Variants in PLCB1 observed in about 807,000 individuals in gnomAD.
PLCB1 encodes 1-phosphatidylinositol 4,5-bisphosphate phosphodiesterase beta-1.
Under a neutral mutation model 161.8 loss-of-function variants are expected in PLCB1, and 46 were observed. That is an observed-to-expected ratio of 0.28 (90% confidence interval 0.22 to 0.36). The LOEUF (loss-of-function observed/expected upper bound fraction) is 0.36, where lower values mean the gene tolerates loss of function less well. Ranked by LOEUF, PLCB1 falls within the 10% of genes least tolerant of loss-of-function variation. The pLI, the probability that PLCB1 is intolerant of heterozygous loss-of-function variation, is 1.00. For missense variants in PLCB1, 1,016 were observed against 1,472.5 expected, an observed-to-expected ratio of 0.69 and a Z score of 5.07; for synonymous variants, 517 against 503.7, an observed-to-expected ratio of 1.03 and a Z score of -0.35.
rs111655229 is a variant in PLCB1 at position 8,735,361 on chromosome 20, A to G, written c.2044-1667A>G. On this transcript the variant is annotated intron_variant, in intron 19 of 31. Coordinates refer to ENST00000338037, the MANE Select transcript of PLCB1 (RefSeq NM_015192.4). ...TGAAGGGGAAATAGTTGATCCCCAG[A>G]CAAGTGTAACCTGCTGCTCCTGTCC... 4.2e-3 allele frequency among the ~76,000 whole-genome samples: 647 copies of G among 152,342 alleles called. 3 individuals are homozygous for G. Among genetic ancestry groups the G allele is most frequent in the African/African-American group, 0.015 (615 of 41,582 alleles).
intron 1 of PLCB1, among the ~76,000 whole-genome samples, chr20:8,149,964 A>T (rs183140793): frequency 6.6e-6 from 1 of 152,244 alleles, no homozygotes; most frequent in Non-Finnish European, 1.5e-5. Context: ...AGTTAATATT[A>T]ATCATAAAAA....
At position 8,741,454 on chromosome 20, in the gene PLCB1, C is replaced by G. The variant is rs762038948; in HGVS notation, c.2414-10C>G. ...GGACCTTTGATCTAAAATATCTCTT[C>G]CCTATTTAGATGTCATCGAAGCTTT... On this transcript the variant is annotated splice_polypyrimidine_tract_variant and intron_variant, in intron 22 of 31. Transcript: ENST00000338037. 1.9e-6 allele frequency: 3 copies of G among 1,572,232 alleles called. No individual in the cohort carries two copies. Among genetic ancestry groups the G allele is most frequent in the African/African-American group, 1.4e-5 (1 of 74,050 alleles).
At chr20:8,261,114 C>T (rs548990764) in intron 2 of PLCB1, among the ~76,000 whole-genome samples, 1 of 152,240 alleles carries the variant, frequency 6.6e-6, no homozygotes, top group African/African-American at 2.4e-5. Flanking sequence ...TCTACTGCCC[C>T]CTTCTGCTTC....
chr20:8,867,108 A>C (rs1406539744), intron 31 of PLCB1, among the ~76,000 whole-genome samples: 1 of 152,242 alleles, frequency 6.6e-6, no homozygotes, highest in Non-Finnish European at 1.5e-5. Flanking sequence ...CATTTGATTC[A>C]GCCTGTCCCT....
rs577194892 is a variant in PLCB1, at chr20:8,663,627, A to G, written c.862+4923A>G. Among the ~76,000 whole-genome samples, 119 of 152,256 alleles carry G rather than the reference A, an allele frequency of 7.8e-4. 3 individuals carry two copies. In the South Asian group the frequency reaches 0.024, roughly 31 times the overall value. On this transcript the variant is annotated intron_variant, in intron 9 of 31. Transcript: ENST00000338037. ...TAATCAGAGGATTTCTGTGCAGTCTAAGGCCAAATGGGTCATGTATGTGGG... is the reference window on the plus strand; with the variant it reads ...TAATCAGAGGATTTCTGTGCAGTCTGAGGCCAAATGGGTCATGTATGTGGG...
chr20:8,744,377 T>C (rs893711133), intron 23 of PLCB1, among the ~76,000 whole-genome samples: 3 of 152,126 alleles, frequency 2.0e-5, no homozygotes, highest in Admixed American at 6.5e-5. Flanking sequence ...ATTTCAACAC[T>C]ACCATATTTC....
intron 7 of PLCB1, chr20:8,650,029 T>A (rs1989269857): frequency 6.6e-6 from 1 of 152,194 alleles, no homozygotes; most frequent in South Asian, 2.1e-4. Flanking sequence ...AGTATTTCAA[T>A]CTAGAATGAC....
chr20:8,202,112 C>G (rs1460520966), intron 2 of PLCB1, among the ~76,000 whole-genome samples: 7 of 129,794 alleles, frequency 5.4e-5, no homozygotes, highest in Admixed American at 3.3e-4. Context: ...GTGTCTCACT[C>G]TGTCGCCCAG....
intron 2 of PLCB1, among the ~76,000 whole-genome samples, chr20:8,312,470 T>C (rs527346496): frequency 1.3e-5 from 2 of 152,254 alleles, no homozygotes; most frequent in East Asian, 3.9e-4. Flanking sequence ...GGATCAATGA[T>C]TGCCTCTAAG....
chr20:8,257,194 C>G lies in PLCB1; in HGVS notation c.177+106823C>G, dbSNP rs114935654. 8.5e-3 allele frequency among the ~76,000 whole-genome samples: 1,301 copies of G among 152,184 alleles called. 11 individuals carry two copies. Among genetic ancestry groups the G allele is most frequent in the African/African-American group, 0.029 (1,224 of 41,532 alleles). ...TAGCTTAATACTTGGGCCAGAAAGG[C>G]TAACATGTCATTTACAGTTTACAGG... On this transcript the variant is annotated intron_variant, in intron 2 of 31. Transcript: ENST00000338037.
intron 23 of PLCB1, among the ~76,000 whole-genome samples, chr20:8,749,844 T>C (rs1346905579): frequency 6.6e-6 from 1 of 152,192 alleles, no homozygotes; most frequent in Non-Finnish European, 1.5e-5. Flanking sequence ...ATTTGTTTTA[T>C]TTTAGCATAA....
chr20:8,669,547 A>C (rs1989894771), intron 9 of PLCB1, among the ~76,000 whole-genome samples: 1 of 152,194 alleles, frequency 6.6e-6, no homozygotes. Context: ...TTATTTACTC[A>C]GCACACAGTT....
At chr20:8,582,294 C>T (rs1040176713) in intron 3 of PLCB1, among the ~76,000 whole-genome samples, 2 of 152,182 alleles carry the variant, frequency 1.3e-5, no homozygotes, top group Admixed American at 6.5e-5. Flanking sequence ...GAATTGTCCT[C>T]AGCCAACAGG....
intron 3 of PLCB1, among the ~76,000 whole-genome samples, chr20:8,473,521 G>T (rs1982144548): frequency 6.6e-6 from 1 of 152,092 alleles, no homozygotes; most frequent in African/African-American, 2.4e-5. Context: ...AAACTGAGTA[G>T]CAAAGCATCA....
chr20:8,416,982 G>T, intron 3 of PLCB1, among the ~76,000 whole-genome samples: 2 of 112,410 alleles, frequency 1.8e-5, no homozygotes, highest in South Asian at 3.2e-4. Flanking sequence ...AGTCGCTTCA[G>T]CTGTAAACAC....
At chr20:8,558,678 A>G (rs2123015944) in intron 3 of PLCB1, among the ~76,000 whole-genome samples, 1 of 152,032 alleles carries the variant, frequency 6.6e-6, no homozygotes, top group South Asian at 2.1e-4. Flanking sequence ...AAGAATCTTG[A>G]AATTAGCAAG....
intron 2 of PLCB1, among the ~76,000 whole-genome samples, chr20:8,223,121 A>C (rs1250075547): frequency 6.6e-6 from 1 of 152,184 alleles, no homozygotes; most frequent in South Asian, 2.1e-4. Context: ...CCACAGCATC[A>C]ATAAGCTTTC....
chr20:8,783,686 C>T (rs927513438), intron 27 of PLCB1, among the ~76,000 whole-genome samples: 4 of 152,130 alleles, frequency 2.6e-5, no homozygotes, highest in African/African-American at 9.7e-5. Flanking sequence ...AAACTCTGCC[C>T]CTGCTTTTCT....
chr20:8,807,249 G>T (rs890869851), intron 31 of PLCB1, among the ~76,000 whole-genome samples: 3 of 152,252 alleles, frequency 2.0e-5, no homozygotes, highest in South Asian at 2.1e-4. Flanking sequence ...TAAATATCAT[G>T]CTGAAAGATT....
Sources: gnomAD v4.1 joint callset for allele counts (sites outside exome capture counted in the v4.1 genomes callset) on GRCh38, gnomAD v4.1.1 for gene constraint, MANE v1.5 for transcripts, NCBI Gene and HGNC (gene_info 2026-07-23, HGNC 2026-07-21) for gene names.